The following RTKN2 variants were observed in gnomAD, a reference collection of about 807,000 sequenced individuals.
The protein encoded by RTKN2 is rhotekin 2, also known as rhotekin-2.
A neutral mutation model predicts 71.5 loss-of-function variants in RTKN2; 69 were observed. That is an observed-to-expected ratio of 0.96 (90% CI 0.79 to 1.18). The LOEUF is 1.18. RTKN2 is among the 50% of genes most tolerant of loss of function. The probability of loss-of-function intolerance (pLI) is 0.00; values close to 1 mark genes in which losing one functional copy is unlikely to be tolerated. For synonymous variants in RTKN2, 236 were observed against 236.5 expected (o/e 1.00, Z 0.02); for missense variants, 724 against 719.7 (o/e 1.01, Z -0.07).
chr10:62,201,574 GA>G (rs1355110236), intron 10 of RTKN2, among the ~76,000 whole-genome samples: 1 of 151,564 alleles, frequency 6.6e-6, no homozygotes, highest in Non-Finnish European at 1.5e-5. Context: ...TTAGGGGCAG[GA>G]AAAAAACCCA....
chr10:62,225,784 C>CTT (rs71470801), intron 6 of RTKN2, among the ~76,000 whole-genome samples: 158 of 140,244 alleles, frequency 1.1e-3, no homozygotes, highest in African/African-American at 3.2e-3. Context: ...ATTTTCTTTT[C>CTT]TTTTTTTTTT....
At chr10:62,199,087 G>C (rs1237132694) in intron 11 of RTKN2, among the ~76,000 whole-genome samples, 1 of 152,100 alleles carries the variant, frequency 6.6e-6, no homozygotes, top group East Asian at 1.9e-4. Flanking sequence ...TAAATTACTG[G>C]TATTTTAAAA....
At chr10:62,209,425 T>G (rs564294389) in intron 9 of RTKN2, among the ~76,000 whole-genome samples, 1 of 151,926 alleles carries the variant, frequency 6.6e-6, no homozygotes, top group Non-Finnish European at 1.5e-5. Context: ...GAGTTAGAGG[T>G]GTGAGTGAGC....
chr10:62,219,312 G>A (rs74156133), intron 7 of RTKN2, among the ~76,000 whole-genome samples: 28,280 of 152,138 alleles, frequency 0.19, 2,938 homozygotes, highest in African/African-American at 0.27. Flanking sequence ...CAGGGTAAAA[G>A]AGATATGCCT....
chr10:62,205,006 G>T lies in RTKN2; in HGVS notation c.1037C>A (p.Ala346Glu). Residue 346 changes from alanine (A) to glutamate (E), a missense_variant, in exon 10 of 12, where the codon GCA becomes GAA. Physicochemically the swap from Ala to Glu is moderately radical, Grantham distance 107. Transcript: ENST00000373789. ...VPINKETRIR[A>E]MDKDAKKRIH... ...TCTTTTCTTGGCATCCTTATCCATTGCCCGGATTCTGGTTTCCTAAAAATT... is the reference window on the plus strand; with the variant it reads ...TCTTTTCTTGGCATCCTTATCCATTTCCCGGATTCTGGTTTCCTAAAAATT... 1 of 1,583,632 alleles carries T rather than the reference G, an allele frequency of 6.3e-7. No homozygotes were observed. Among genetic ancestry groups the T allele is most frequent in the Non-Finnish European group, 8.5e-7 (1 of 1,171,538 alleles).
chr10:62,237,843 G>A (rs1842289994), intron 5 of RTKN2, among the ~76,000 whole-genome samples: 1 of 151,200 alleles, frequency 6.6e-6, no homozygotes, highest in South Asian at 2.1e-4. Flanking sequence ...TATTGGCCTG[G>A]AATGTAGGAG....
intron 2 of RTKN2, among the ~76,000 whole-genome samples, chr10:62,249,716 A>C (rs1341057421): frequency 2.0e-5 from 3 of 152,204 alleles, no homozygotes; most frequent in Non-Finnish European, 4.4e-5. Flanking sequence ...TTATCTGTAA[A>C]GTGGCAAAAA....
chr10:62,198,791 C>G (rs183301005), intron 11 of RTKN2, among the ~76,000 whole-genome samples: 3 of 152,052 alleles, frequency 2.0e-5, no homozygotes, highest in Admixed American at 2.0e-4. Context: ...CTAAAAAATT[C>G]TATAGATTAA....
At position 62,262,649 on chromosome 10, in the gene RTKN2, T is replaced by C. The variant is rs754409220; in HGVS notation, c.233A>G (p.Gln78Arg). The part of the protein sequence containing the change: ...YTSELQKLEE[Q>R]IANQTGRCDV... ...CCATCTTCCAGTCTGATTTGCAATC[T>C]GTTCTTCTAATTTCTGTAGCTCCGA... is the stretch of plus-strand genomic sequence containing the variant. Residue 78 changes from glutamine (Q) to arginine (R), a missense_variant, in exon 2 of 12, where the codon CAG (glutamine) becomes CGG (arginine). Transcript: ENST00000373789. The C allele has an allele frequency of 2.5e-6, 4 of 1,607,928 alleles. No homozygotes were observed. In the Admixed American group the frequency reaches 6.7e-5, roughly 27 times the overall value.
chr10:62,233,349 C>T (rs555225299), intron 6 of RTKN2, among the ~76,000 whole-genome samples: 23 of 152,106 alleles, frequency 1.5e-4, no homozygotes, highest in African/African-American at 4.1e-4. Context: ...TTAATTCCAC[C>T]ACCTTATGAC....
At chr10:62,208,542 A>G (rs1394268381) in intron 9 of RTKN2, among the ~76,000 whole-genome samples, 2 of 152,224 alleles carry the variant, frequency 1.3e-5, no homozygotes, top group Non-Finnish European at 2.9e-5. Flanking sequence ...GGACAGACAC[A>G]TGACATGTAT....
intron 3 of RTKN2, among the ~76,000 whole-genome samples, chr10:62,245,717 A>G (rs1474640098): frequency 6.6e-6 from 1 of 152,174 alleles, no homozygotes; most frequent in Non-Finnish European, 1.5e-5. Context: ...TCAGTCACTT[A>G]GCCTCTGAGT....
exon 9 of RTKN2, chr10:62,183,986 C>T (rs1841095552): frequency 1.0e-5 from 2 of 191,812 alleles, no homozygotes; most frequent in African/African-American, 4.6e-5. Context: ...AACTGAAATA[C>T]CAGTGTTGAA....
intron 8 of RTKN2, among the ~76,000 whole-genome samples, chr10:62,185,190 CT>C (rs1290680238): frequency 2.0e-5 from 3 of 151,760 alleles, no homozygotes; most frequent in Non-Finnish European, 4.4e-5. Flanking sequence ...AAAATAGGAC[CT>C]CCACAGTTAA....
chr10:62,216,196 T>C (rs1280661153), intron 9 of RTKN2, among the ~76,000 whole-genome samples: 1 of 152,016 alleles, frequency 6.6e-6, no homozygotes, highest in Non-Finnish European at 1.5e-5. Context: ...AACTATTATA[T>C]AAAAGGACGT....
At chr10:62,190,732 A>G (rs1488424250), downstream of RTKN2, among the ~76,000 whole-genome samples, 1 of 152,166 alleles carries the variant, frequency 6.6e-6, no homozygotes, top group Non-Finnish European at 1.5e-5. Context: ...CCAGGGGCTG[A>G]GTGCTCATTC....
At chr10:62,251,442 C>T (rs966335248) in intron 2 of RTKN2, among the ~76,000 whole-genome samples, 6 of 152,076 alleles carry the variant, frequency 3.9e-5, no homozygotes, top group African/African-American at 1.4e-4. Context: ...GGAACATACC[C>T]CCTCAAGGGT....
chr10:62,211,535 T>C (rs1199369394), intron 9 of RTKN2, among the ~76,000 whole-genome samples: 1 of 152,214 alleles, frequency 6.6e-6, no homozygotes, highest in East Asian at 1.9e-4. Context: ...TAAGGAAAAT[T>C]ATTTTCATGA....
downstream of RTKN2, among the ~76,000 whole-genome samples, chr10:62,189,273 T>TA (rs539671245): frequency 6.6e-5 from 10 of 152,140 alleles, no homozygotes; most frequent in African/African-American, 2.4e-4. Context: ...GTTGCAACGA[T>TA]AAAAAATGTC....
Sources: allele counts gnomAD v4.1 joint callset (sites outside exome capture counted in the v4.1 genomes callset), GRCh38; gene constraint gnomAD v4.1.1; transcripts MANE v1.5; gene names NCBI Gene and HGNC (gene_info 2026-07-23, HGNC 2026-07-21).